Variants in GRIN2A observed in about 807,000 individuals in gnomAD.
GRIN2A encodes glutamate receptor ionotropic, NMDA 2A.
Under a neutral mutation model 113.4 loss-of-function variants are expected in GRIN2A, and 22 were observed. The observed-to-expected ratio is 0.19, with a 90% CI of 0.14 to 0.28. GRIN2A has a LOEUF of 0.28. GRIN2A is among the 10% of genes least tolerant of loss of function. GRIN2A has a pLI of 1.00. For missense variants in GRIN2A, 1,502 were observed against 1,887.0 expected (o/e 0.80, Z 3.78); for synonymous variants, 827 against 738.4 (o/e 1.12, Z -1.94).
intron 4 of GRIN2A, among the ~76,000 whole-genome samples, chr16:9,862,806 C>G (rs1007239231): frequency 6.6e-6 from 1 of 152,108 alleles, no homozygotes; most frequent in Non-Finnish European, 1.5e-5. Flanking sequence ...AAAAGGAGCT[C>G]TTTCATAATC....
At chr16:10,145,862 T>C (rs1245655781) in intron 2 of GRIN2A, among the ~76,000 whole-genome samples, 1 of 152,200 alleles carries the variant, frequency 6.6e-6, no homozygotes, top group Non-Finnish European at 1.5e-5. Flanking sequence ...TGGCAGGCCA[T>C]AGTTTATAGA....
intron 4 of GRIN2A, among the ~76,000 whole-genome samples, chr16:9,886,983 G>C (rs1874356933): frequency 6.6e-6 from 1 of 152,118 alleles, no homozygotes; most frequent in Non-Finnish European, 1.5e-5. Context: ...CGCCTCCCAG[G>C]TTCAAGTGAT....
At chr16:10,068,190 C>CTACTCTGAG (rs1172184253) in intron 2 of GRIN2A, among the ~76,000 whole-genome samples, 1 of 152,230 alleles carries the variant, frequency 6.6e-6, no homozygotes, top group African/African-American at 2.4e-5. Context: ...TATTGAGTGT[C>CTACTCTGAG]TACTCTGAGC....
At chr16:9,886,874 C>A (rs2043596058) in intron 4 of GRIN2A, among the ~76,000 whole-genome samples, 1 of 152,114 alleles carries the variant, frequency 6.6e-6, no homozygotes, top group Non-Finnish European at 1.5e-5. Flanking sequence ...GTATCCCGAT[C>A]TGAAGGATTT....
intron 2 of GRIN2A, among the ~76,000 whole-genome samples, chr16:9,994,954 G>A (rs929886226): frequency 2.0e-5 from 3 of 152,190 alleles, no homozygotes; most frequent in African/African-American, 4.8e-5. Flanking sequence ...AGGTGATAGG[G>A]TATGACAAGG....
At chr16:10,137,055 C>G (rs1057036243) in intron 2 of GRIN2A, among the ~76,000 whole-genome samples, 7 of 152,180 alleles carry the variant, frequency 4.6e-5, no homozygotes, top group Non-Finnish European at 8.8e-5. Flanking sequence ...AGACAACGGA[C>G]TGGAGTGCTT....
intron 2 of GRIN2A, among the ~76,000 whole-genome samples, chr16:9,982,726 A>G (rs74502510): frequency 0.03 from 4,570 of 152,288 alleles, 93 homozygotes; most frequent in Middle Eastern, 0.048. Flanking sequence ...TTGATTTCAG[A>G]TTGGCTTCTG....
chr16:9,847,392 TA>T (rs1004542015), intron 5 of GRIN2A, among the ~76,000 whole-genome samples: 49 of 146,202 alleles, frequency 3.4e-4, no homozygotes, highest in African/African-American at 4.2e-4. Flanking sequence ...CTCTTGTCTC[TA>T]AAAAAAAAAA....
At chr16:10,133,218 G>A (rs539422325) in intron 2 of GRIN2A, among the ~76,000 whole-genome samples, 14 of 152,320 alleles carry the variant, frequency 9.2e-5, no homozygotes, top group South Asian at 4.1e-4. Flanking sequence ...TTGAGAGGTC[G>A]TAGTTCTGCC....
At chr16:9,850,269 G>A (rs549935962) in intron 4 of GRIN2A, among the ~76,000 whole-genome samples, 3 of 152,158 alleles carry the variant, frequency 2.0e-5, no homozygotes, top group East Asian at 1.9e-4. Flanking sequence ...TCAGGACCAC[G>A]GATGGCAAGG....
rs533429802 is a variant in GRIN2A at position 10,075,125 on chromosome 16, C to T, written c.414+104873G>A. Among the ~76,000 whole-genome samples, 4 of 152,174 alleles carry T rather than the reference C, an allele frequency of 2.6e-5. No homozygotes were observed. The South Asian group carries it at 8.3e-4, about 32-fold the overall frequency. On this transcript the variant is annotated intron_variant, in intron 2 of 12. Transcript: ENST00000330684. ...GAACTTGCTGGGACTTTGCATGGGT[C>T]CTCTCCTATGCAGTTTCCTCATCTG...
chr16:10,164,582 A>C (rs1233431165), intron 2 of GRIN2A, among the ~76,000 whole-genome samples: 1 of 152,250 alleles, frequency 6.6e-6, no homozygotes, highest in African/African-American at 2.4e-5. Context: ...ATATTAAAGC[A>C]ATGATTGAAA....
chr16:10,118,408 G>A (rs959072250), intron 2 of GRIN2A, among the ~76,000 whole-genome samples: 6 of 151,986 alleles, frequency 3.9e-5, no homozygotes, highest in African/African-American at 1.5e-4. Context: ...CGACATCAAT[G>A]TACTGCTGTG....
intron 2 of GRIN2A, among the ~76,000 whole-genome samples, chr16:10,137,512 C>T (rs554710681): frequency 5.3e-5 from 8 of 152,288 alleles, no homozygotes; most frequent in African/African-American, 1.9e-4. Context: ...TTTCATTTCC[C>T]TTCCTTAGCT....
At chr16:9,971,275 A>G (rs967894468) in intron 2 of GRIN2A, among the ~76,000 whole-genome samples, 1 of 152,212 alleles carries the variant, frequency 6.6e-6, no homozygotes, top group Non-Finnish European at 1.5e-5. Flanking sequence ...CTGATATAAC[A>G]ATTTCCCTTG....
At chr16:9,863,475 C>T (rs190647420) in intron 4 of GRIN2A, among the ~76,000 whole-genome samples, 140 of 152,338 alleles carry the variant, frequency 9.2e-4, no homozygotes, top group African/African-American at 3.1e-3. Flanking sequence ...AATTCCACCA[C>T]AGAAAATACC....
intron 2 of GRIN2A, among the ~76,000 whole-genome samples, chr16:10,164,268 T>C (rs2049862896): frequency 6.6e-6 from 1 of 152,232 alleles, no homozygotes; most frequent in Non-Finnish European, 1.5e-5. Flanking sequence ...GTACAGAACC[T>C]TCCTTGGTGT....
intron 11 of GRIN2A, among the ~76,000 whole-genome samples, chr16:9,778,435 T>A (rs1055197295): frequency 2.0e-5 from 3 of 152,210 alleles, no homozygotes; most frequent in Non-Finnish European, 4.4e-5. Flanking sequence ...ATTTTCTCAA[T>A]CAATAGTCCT....
intron 2 of GRIN2A, among the ~76,000 whole-genome samples, chr16:9,967,169 A>G (rs1346518469): frequency 6.6e-6 from 1 of 152,202 alleles, no homozygotes; most frequent in Non-Finnish European, 1.5e-5. Context: ...TTATGCTTAC[A>G]ATTGCAAAGA....
Sources: gnomAD v4.1 joint callset for allele counts (sites outside exome capture counted in the v4.1 genomes callset) on GRCh38, gnomAD v4.1.1 for gene constraint, MANE v1.5 for transcripts, NCBI Gene and HGNC (gene_info 2026-07-23, HGNC 2026-07-21) for gene names.